Variants in LCOR observed in about 807,000 individuals in gnomAD.
The protein encoded by LCOR is ligand-dependent corepressor.
A neutral mutation model predicts 64.4 loss-of-function variants in LCOR; 14 were observed. The ratio of observed to expected loss-of-function variants is 0.22; its 90% CI spans 0.14 to 0.34. The LOEUF (loss-of-function observed/expected upper bound fraction) is 0.34, where lower values mean the gene tolerates loss of function less well. Ranked by LOEUF, LCOR falls within the 10% of genes least tolerant of loss-of-function variation. The pLI, the probability that LCOR is intolerant of heterozygous loss-of-function variation, is 1.00. For synonymous variants in LCOR, 643 were observed against 642.5 expected, an observed-to-expected ratio of 1.00 and a Z score of -0.01; for missense variants, 1,686 against 1,765.3, an observed-to-expected ratio of 0.96 and a Z score of 0.80.
chr10:96,949,000 A>T lies in LCOR; in HGVS notation c.-50-8A>T. 1 of 1,578,924 alleles carries T rather than the reference A, an allele frequency of 6.3e-7. No homozygotes were observed. Among genetic ancestry groups the T allele is most frequent in the Non-Finnish European group, 8.6e-7 (1 of 1,161,562 alleles). On this transcript the variant is annotated splice_region_variant and splice_polypyrimidine_tract_variant and intron_variant, in intron 5 of 7. Transcript: ENST00000421806. Reference sequence around the variant, plus strand: ...CCACTTTAAAAGTAAATAAATCTTTATTTACAGACAGTCCCTGGGTCTCCG... The same window carrying T: ...CCACTTTAAAAGTAAATAAATCTTTTTTTACAGACAGTCCCTGGGTCTCCG...
chr10:96,905,060 A>AT (rs776695343), intron 2 of LCOR, among the ~76,000 whole-genome samples: 11 of 151,894 alleles, frequency 7.2e-5, no homozygotes, highest in African/African-American at 9.7e-5. Flanking sequence ...TTATAACCAG[A>AT]TTTTTTTTGT....
At chr10:96,959,985 G>A (rs1052299052) in intron 7 of LCOR, 2 of 152,098 alleles carry the variant, frequency 1.3e-5, no homozygotes, top group African/African-American at 2.4e-5. Flanking sequence ...CAACCAATTG[G>A]CATTTCTTTT....
Position 96,994,303 on chromosome 10 carries a change from C to A in LCOR, c.*9169C>A, listed in dbSNP as rs971733368. The A allele has an allele frequency of 3.9e-5, 6 of 152,142 alleles. No homozygotes were observed. Among genetic ancestry groups the A allele is most frequent in the Non-Finnish European group, 8.8e-5 (6 of 68,040 alleles). 9.4% of individuals were successfully genotyped at this position (152,142 alleles called of 1,614,324 possible). On this transcript the variant is annotated 3_prime_UTR_variant, in exon 8 of 8. Transcript: ENST00000421806. ...CTGGGCTTGAAATGTCTAAAGCTGCCTTCGTGTCTGGGATTACACCATGTA... is the reference window on the plus strand; with the variant it reads ...CTGGGCTTGAAATGTCTAAAGCTGCATTCGTGTCTGGGATTACACCATGTA...
At chr10:96,877,130 G>T (rs1174977648) in intron 2 of LCOR, among the ~76,000 whole-genome samples, 1 of 152,138 alleles carries the variant, frequency 6.6e-6, no homozygotes, top group Admixed American at 6.6e-5. Flanking sequence ...CATCTTGTGT[G>T]CTCTCACTGG....
At chr10:96,972,479 C>T (rs1848006970) in intron 7 of LCOR, among the ~76,000 whole-genome samples, 1 of 152,132 alleles carries the variant, frequency 6.6e-6, no homozygotes, top group Admixed American at 6.5e-5. Flanking sequence ...TGCTTAATGA[C>T]CCTTGCTCTG....
chr10:96,856,649 A>G (rs1232089864), intron 2 of LCOR, among the ~76,000 whole-genome samples: 2 of 151,600 alleles, frequency 1.3e-5, no homozygotes, highest in African/African-American at 4.9e-5. Flanking sequence ...CTAATCTTTT[A>G]TTATTTTTGT....
chr10:96,901,168 G>A (rs192768208), intron 2 of LCOR, among the ~76,000 whole-genome samples: 152 of 151,810 alleles, frequency 1.0e-3, no homozygotes, highest in African/African-American at 3.2e-3. Context: ...CAGCCTGGGC[G>A]ACAGAGACTC....
intron 4 of LCOR, among the ~76,000 whole-genome samples, chr10:96,932,685 A>G (rs1433715296): frequency 1.3e-5 from 2 of 152,016 alleles, no homozygotes; most frequent in African/African-American, 4.8e-5. Context: ...GATGGTCTCG[A>G]TCTCCTGACC....
chr10:96,833,226 C>T (rs1845377780), intron 1 of LCOR, 180 bp from the exon 2 acceptor site: 3 of 978,376 alleles, frequency 3.1e-6, no homozygotes, highest in Non-Finnish European at 3.6e-6. Context: ...CGGGGATTGG[C>T]CGGAGCCGCA....
At chr10:96,892,710 C>T (rs1455452424) in intron 2 of LCOR, among the ~76,000 whole-genome samples, 1 of 152,116 alleles carries the variant, frequency 6.6e-6, no homozygotes, top group Non-Finnish European at 1.5e-5. Context: ...ACAGTTAGAC[C>T]ATCGCAGTGC....
rs958848340 is a variant in LCOR at position 96,956,762 on chromosome 10, G to A, written c.332+4566G>A. On this transcript the variant is annotated intron_variant, in intron 7 of 7. Transcript: ENST00000421806. ...CCGTATTTACTCAGGAGCAGTCAGG[G>A]TACATTACATAAAACAATGGAGGAT... 5 of 985,658 alleles carry A rather than the reference G, an allele frequency of 5.1e-6. No homozygotes were observed. The African/African-American group carries it at 5.2e-5, about 10-fold the overall frequency. The allele number at this position is 985,658 out of a possible 1,614,324, so 61.1% of individuals were successfully genotyped here.
intron 2 of LCOR, among the ~76,000 whole-genome samples, chr10:96,885,936 G>T (rs1403548329): frequency 6.6e-6 from 1 of 152,062 alleles, no homozygotes; most frequent in Non-Finnish European, 1.5e-5. Flanking sequence ...GGAGTGCAGT[G>T]GTGCAATCTC....
At chr10:96,941,052 C>T (rs1207112534) in intron 4 of LCOR, among the ~76,000 whole-genome samples, 2 of 114,344 alleles carry the variant, frequency 1.7e-5, no homozygotes, top group Admixed American at 8.1e-5. Flanking sequence ...CCGGACAGGG[C>T]GGCTGGCCGA....
chr10:96,961,380 A>G (rs575762580), intron 7 of LCOR: 2 of 152,186 alleles, frequency 1.3e-5, no homozygotes, highest in African/African-American at 4.8e-5. Flanking sequence ...TTTAATCTCT[A>G]TTATTTGAAT....
intron 4 of LCOR, among the ~76,000 whole-genome samples, chr10:96,937,159 C>A (rs1847365656): frequency 6.6e-6 from 1 of 152,150 alleles, no homozygotes; most frequent in Non-Finnish European, 1.5e-5. Context: ...GACACAGACA[C>A]ACACACAGGG....
intron 7 of LCOR, chr10:96,954,940 T>C (rs1366076240): frequency 6.2e-7 from 1 of 1,609,752 alleles, no homozygotes. Context: ...TCAGTTTCCT[T>C]CCATCCAATT....
Position 96,992,353 on chromosome 10 carries a change from A to G in LCOR, c.*7219A>G, listed in dbSNP as rs1197984473. 2.6e-5 allele frequency: 4 copies of G among 152,260 alleles called. No individual in the cohort carries two copies. Among genetic ancestry groups the G allele is most frequent in the Non-Finnish European group, 5.9e-5 (4 of 68,050 alleles). 9.4% of individuals were successfully genotyped at this position (152,260 alleles called of 1,614,324 possible). On this transcript the variant is annotated 3_prime_UTR_variant, in exon 8 of 8. Coordinates refer to ENST00000421806, the MANE Select transcript of LCOR (RefSeq NM_001346516.2). Reference sequence around the variant, plus strand: ...ATTTTAACAAGAAAATTAACTGTCAAAAGGGCTTTCCAAAAAGTGTTCTTT... The same window carrying G: ...ATTTTAACAAGAAAATTAACTGTCAGAAGGGCTTTCCAAAAAGTGTTCTTT...
chr10:96,985,112 G>A lies in LCOR; in HGVS notation c.4652G>A (p.Arg1551Gln), dbSNP rs781104185. ...KAKLDCSHSK[R>Q]RRLDAK ...AAGCTGGACTGTTCGCACAGCAAACGGAGGCGGCTGGATGCAAAGTGATTG... is the reference window on the plus strand; with the variant it reads ...AAGCTGGACTGTTCGCACAGCAAACAGAGGCGGCTGGATGCAAAGTGATTG... The change falls in exon 8 of 8, where the codon CGG (arginine) becomes CAG (glutamine). Residue 1551 changes from arginine to glutamine, a missense_variant. Transcript: ENST00000421806. The A allele has an allele frequency of 1.5e-5, 24 of 1,599,306 alleles. No individual in the cohort carries two copies. The highest frequency in any genetic ancestry group is 1.0e-4 in the South Asian group (9 of 87,902).
chr10:96,875,688 C>T (rs1846152463), intron 2 of LCOR, among the ~76,000 whole-genome samples: 1 of 151,786 alleles, frequency 6.6e-6, no homozygotes, highest in Non-Finnish European at 1.5e-5. Flanking sequence ...GTGGTGAAAC[C>T]CTGTCTCTAC....
Sources: gnomAD v4.1 joint callset for allele counts (sites outside exome capture counted in the v4.1 genomes callset) on GRCh38, gnomAD v4.1.1 for gene constraint, MANE v1.5 for transcripts, NCBI Gene and HGNC (gene_info 2026-07-23, HGNC 2026-07-21) for gene names.